The following WIPF3 variants were observed in gnomAD, a reference collection of about 807,000 sequenced individuals.
The protein encoded by WIPF3 is WAS/WASL-interacting protein family member 3.
A neutral mutation model predicts 38.9 loss-of-function variants in WIPF3; 33 were observed. The observed-to-expected ratio is 0.85, with a 90% CI of 0.64 to 1.14. The LOEUF (loss-of-function observed/expected upper bound fraction) is 1.14. Among genes scored for constraint, WIPF3 ranks in the 50% most tolerant of loss-of-function variants. The pLI, the probability that WIPF3 is intolerant of heterozygous loss-of-function variation, is 0.00. For synonymous variants in WIPF3, 324 were observed against 269.3 expected, an observed-to-expected ratio of 1.20 and a Z score of -1.99; for missense variants, 711 against 652.5, an observed-to-expected ratio of 1.09 and a Z score of -0.98.
chr7:29,854,621 T>G (rs940471935), intron 2 of WIPF3, among the ~76,000 whole-genome samples: 3 of 152,168 alleles, frequency 2.0e-5, no homozygotes, highest in African/African-American at 7.2e-5. Flanking sequence ...CCAGGTCGCT[T>G]GTTCACAATT....
chr7:29,838,235 A>T (rs527458941), intron 2 of WIPF3, among the ~76,000 whole-genome samples: 1 of 151,902 alleles, frequency 6.6e-6, no homozygotes, highest in African/African-American at 2.4e-5. Context: ...ATACTTTTTA[A>T]ATGTTGGCTG....
chr7:29,912,393 A>G (rs1044110230), intron 8 of WIPF3: 1 of 152,326 alleles, frequency 6.6e-6, no homozygotes, highest in Non-Finnish European at 1.5e-5. Context: ...TAAAAAACAG[A>G]ATTACCATAT....
intron 2 of WIPF3, among the ~76,000 whole-genome samples, chr7:29,865,580 C>A (rs970692758): frequency 2.0e-5 from 3 of 152,104 alleles, no homozygotes; most frequent in African/African-American, 7.2e-5. Flanking sequence ...AAGGCCTCTA[C>A]TCTTCATTGA....
intron 2 of WIPF3, among the ~76,000 whole-genome samples, chr7:29,872,792 C>A (rs1381895369): frequency 1.1e-5 from 1 of 91,400 alleles, no homozygotes; most frequent in South Asian, 3.9e-4. Context: ...GAGTGAGACT[C>A]CATCTCAAAA....
rs970075941 is a variant in WIPF3, at chr7:29,844,242, G to A, written c.90+9428G>A. ...TATTTTCTTTTTTTTGTGAGTCTGC[G>A]TCTCCTCAGATGTCTACATGGAACA... On this transcript the variant is annotated intron_variant, in intron 2 of 8. Coordinates refer to ENST00000242140, the MANE Select transcript of WIPF3 (RefSeq NM_001080529.3). This position sits in a 1 kb window ranked among gnomAD's most constrained non-coding sequence, Gnocchi z 4.8. 2.0e-5 allele frequency among the ~76,000 whole-genome samples: 3 copies of A among 152,116 alleles called. No homozygotes were observed. Among genetic ancestry groups the A allele is most frequent in the African/African-American group, 4.8e-5 (2 of 41,428 alleles).
intron 2 of WIPF3, among the ~76,000 whole-genome samples, chr7:29,874,710 C>T (rs1324142834): frequency 6.6e-6 from 1 of 152,180 alleles, no homozygotes; most frequent in Admixed American, 6.5e-5. Context: ...CCACCAATCT[C>T]CTAATGTTCT....
chr7:29,875,062 T>A (rs1447142702), intron 2 of WIPF3, among the ~76,000 whole-genome samples: 1 of 152,090 alleles, frequency 6.6e-6, no homozygotes, highest in African/African-American at 2.4e-5. Flanking sequence ...ACGCACAAGG[T>A]CTTGTGAGGA....
intron 5 of WIPF3, among the ~76,000 whole-genome samples, chr7:29,886,760 AC>A (rs71557442): frequency 0.04 from 6,135 of 152,226 alleles, 163 homozygotes; most frequent in Non-Finnish European, 0.061. Flanking sequence ...TTTTATTAAT[AC>A]TGAATTTTTT....
At chr7:29,818,604 TGTTAG>T (rs1245308699) in intron 1 of WIPF3, among the ~76,000 whole-genome samples, 2 of 150,646 alleles carry the variant, frequency 1.3e-5, no homozygotes, top group Non-Finnish European at 1.5e-5. Context: ...CCGTGGAGTC[TGTTAG>T]GTTTTCCATA....
chr7:29,842,127 T>C (rs1784923231), intron 2 of WIPF3, among the ~76,000 whole-genome samples: 1 of 152,222 alleles, frequency 6.6e-6, no homozygotes, highest in African/African-American at 2.4e-5. Flanking sequence ...GAGAAATTCT[T>C]TGGAGTTGGG....
At chr7:29,912,741 TAAAAA>T (rs1209482386) in intron 8 of WIPF3, 1 of 152,720 alleles carries the variant, frequency 6.5e-6, no homozygotes, top group African/African-American at 2.4e-5. Flanking sequence ...TTATCCAGCT[TAAAAA>T]GTAGGAAGTT....
intron 2 of WIPF3, among the ~76,000 whole-genome samples, chr7:29,851,618 A>C (rs1332880160): frequency 6.6e-6 from 1 of 152,124 alleles, no homozygotes; most frequent in African/African-American, 2.4e-5. Context: ...CAAGCAGTGG[A>C]CCTGGAAGGC....
At chr7:29,821,993 A>G (rs1002475650) in intron 1 of WIPF3, among the ~76,000 whole-genome samples, 4 of 152,008 alleles carry the variant, frequency 2.6e-5, no homozygotes, top group Non-Finnish European at 5.9e-5. Flanking sequence ...TAATTATTTC[A>G]TTAAATCCTT....
At chr7:29,808,538 C>T (rs543181516) in intron 1 of WIPF3, among the ~76,000 whole-genome samples, 20 of 152,202 alleles carry the variant, frequency 1.3e-4, no homozygotes, top group Non-Finnish European at 1.9e-4. Context: ...CCACCTGAAT[C>T]GGGGCAGAGC....
At chr7:29,849,863 A>G (rs1323313164) in intron 2 of WIPF3, among the ~76,000 whole-genome samples, 1 of 152,246 alleles carries the variant, frequency 6.6e-6, no homozygotes, top group Non-Finnish European at 1.5e-5. Flanking sequence ...GAACAGAAAC[A>G]TGTCAGATGA....
intron 2 of WIPF3, among the ~76,000 whole-genome samples, chr7:29,870,730 G>C (rs1373786710): frequency 6.6e-6 from 1 of 152,192 alleles, no homozygotes; most frequent in Non-Finnish European, 1.5e-5. Flanking sequence ...AACAGTCACA[G>C]TTCTGTACAC....
chr7:29,910,916 AGCAAAGTTGG>A (rs1786493890), intron 8 of WIPF3, among the ~76,000 whole-genome samples: 1 of 152,158 alleles, frequency 6.6e-6, no homozygotes, highest in South Asian at 2.1e-4. Context: ...GTCTATCCAG[AGCAAAGTTGG>A]GCAAGAAAAA....
intron 1 of WIPF3, among the ~76,000 whole-genome samples, chr7:29,827,877 C>G (rs1784648824): frequency 1.3e-5 from 2 of 152,284 alleles, no homozygotes; most frequent in South Asian, 4.1e-4. Context: ...TTACTGCAGC[C>G]TTGACTTCCC....
At chr7:29,817,651 C>A (rs907897701) in intron 1 of WIPF3, among the ~76,000 whole-genome samples, 4 of 151,976 alleles carry the variant, frequency 2.6e-5, no homozygotes, top group African/African-American at 9.7e-5. Flanking sequence ...AAAATAATAA[C>A]CAAAATTTCC....
Sources: allele counts gnomAD v4.1 joint callset (sites outside exome capture counted in the v4.1 genomes callset), GRCh38; gene constraint gnomAD v4.1.1; non-coding constraint Gnocchi (gnomAD v3.1); transcripts MANE v1.5; gene names NCBI Gene and HGNC (gene_info 2026-07-23, HGNC 2026-07-21).